CEP85L: variants seen among roughly 807,000 people sequenced by gnomAD.
CEP85L encodes the protein centrosomal protein 85L.
Under a neutral mutation model 100.3 loss-of-function variants are expected in CEP85L, and 60 were observed. That is an observed-to-expected ratio of 0.60 (90% CI 0.49 to 0.74). The LOEUF is 0.74. Ranked by LOEUF, CEP85L falls within the 30% of genes least tolerant of loss-of-function variation. CEP85L has a pLI of 0.00. For missense variants in CEP85L, 973 were observed against 936.2 expected (o/e 1.04, Z -0.51); for synonymous variants, 319 against 322.7 (o/e 0.99, Z 0.12).
intron 1 of CEP85L, among the ~76,000 whole-genome samples, chr6:118,678,208 T>C (rs1405832016): frequency 2.0e-5 from 3 of 152,212 alleles, no homozygotes; most frequent in Non-Finnish European, 4.4e-5. Context: ...CCAATAAAGG[T>C]TGCTCAGCCC....
chr6:118,701,140 G>A (rs1777391191), intron 1 of CEP85L, among the ~76,000 whole-genome samples: 1 of 152,170 alleles, frequency 6.6e-6, no homozygotes, highest in African/African-American at 2.4e-5. Flanking sequence ...GGCATTCATT[G>A]GACAGCTTTC....
chr6:118,496,256 C>A (rs960455056), intron 5 of CEP85L, among the ~76,000 whole-genome samples: 4 of 152,206 alleles, frequency 2.6e-5, no homozygotes, highest in Non-Finnish European at 5.9e-5. Flanking sequence ...ATGCCCTTAA[C>A]CCACATCTGA....
intron 1 of CEP85L, among the ~76,000 whole-genome samples, chr6:118,676,399 CT>C (rs1776484239): frequency 6.6e-6 from 1 of 152,126 alleles, no homozygotes; most frequent in Non-Finnish European, 1.5e-5. Flanking sequence ...ATTAGTTTAA[CT>C]TTTTTTAGAT....
At chr6:118,705,296 T>C (rs187473028) in intron 1 of CEP85L, among the ~76,000 whole-genome samples, 2 of 152,404 alleles carry the variant, frequency 1.3e-5, no homozygotes, top group African/African-American at 2.4e-5. Flanking sequence ...TTTTGGCTTC[T>C]TGTTTTATTG....
intron 1 of CEP85L, among the ~76,000 whole-genome samples, chr6:118,649,997 G>C (rs1254992305): frequency 2.0e-5 from 3 of 152,088 alleles, no homozygotes; most frequent in Admixed American, 1.3e-4. Flanking sequence ...CTAGTGACTC[G>C]GTCAGTGCCT....
At chr6:118,541,423 AG>A (rs1249696608) in intron 3 of CEP85L, among the ~76,000 whole-genome samples, 1 of 152,234 alleles carries the variant, frequency 6.6e-6, no homozygotes, top group African/African-American at 2.4e-5. Context: ...CTTACATATC[AG>A]GAAGTTGGGT....
intron 1 of CEP85L, among the ~76,000 whole-genome samples, chr6:118,679,824 T>G (rs1776594070): frequency 6.6e-6 from 1 of 152,196 alleles, no homozygotes; most frequent in Non-Finnish European, 1.5e-5. Context: ...CACATTTTTT[T>G]TTAACTACAA....
At chr6:118,560,374 A>C (rs951182196) in intron 3 of CEP85L, 1 of 167,008 alleles carries the variant, frequency 6.0e-6, no homozygotes, top group Non-Finnish European at 1.5e-5. Context: ...TTAGAAAATC[A>C]TAAGAAAGAG....
At chr6:118,485,047 T>C (rs1774076435) in intron 6 of CEP85L, among the ~76,000 whole-genome samples, 1 of 152,246 alleles carries the variant, frequency 6.6e-6, no homozygotes, top group African/African-American at 2.4e-5. Flanking sequence ...ACACACATGA[T>C]AATGATTCTA....
At chr6:118,573,680 T>G (rs409571) in intron 2 of CEP85L, among the ~76,000 whole-genome samples, 1 of 151,646 alleles carries the variant, frequency 6.6e-6, no homozygotes, top group South Asian at 2.1e-4. Context: ...CTGATTACCA[T>G]TATAGATAGA....
At chr6:118,665,794 C>G in intron 1 of CEP85L, among the ~76,000 whole-genome samples, 1 of 152,180 alleles carries the variant, frequency 6.6e-6, no homozygotes, top group Middle Eastern at 3.2e-3. Context: ...TGATTGCCAT[C>G]TCACACACTG....
At chr6:118,661,488 A>C (rs538697353) in intron 1 of CEP85L, among the ~76,000 whole-genome samples, 32 of 152,148 alleles carry the variant, frequency 2.1e-4, no homozygotes, top group Non-Finnish European at 3.8e-4. Flanking sequence ...TAAATAATAA[A>C]ATTTTAATTG....
intron 2 of CEP85L, among the ~76,000 whole-genome samples, chr6:118,596,131 GA>G (rs550740438): frequency 5.7e-4 from 87 of 151,984 alleles, no homozygotes; most frequent in South Asian, 2.1e-3. Context: ...TTATAAATGA[GA>G]AAAAAATGAA....
intron 10 of CEP85L, among the ~76,000 whole-genome samples, chr6:118,471,644 T>C (rs1365354030): frequency 6.6e-6 from 1 of 152,068 alleles, no homozygotes; most frequent in Non-Finnish European, 1.5e-5. Context: ...TAAATTTCAT[T>C]TGTCTGCTAA....
intron 5 of CEP85L, chr6:118,502,934 G>A (rs1241186782): frequency 4.9e-6 from 2 of 411,970 alleles, no homozygotes; most frequent in Non-Finnish European, 9.2e-6. Flanking sequence ...TGGGAGTTGA[G>A]GCCACCTGGT....
At chr6:118,484,160 A>C (rs571339536) in intron 6 of CEP85L, among the ~76,000 whole-genome samples, 28 of 152,184 alleles carry the variant, frequency 1.8e-4, no homozygotes, top group African/African-American at 5.1e-4. Context: ...AAAAATACCC[A>C]AAAAAATTAG....
At chr6:118,504,617 T>G (rs937659987) in intron 5 of CEP85L, among the ~76,000 whole-genome samples, 1 of 152,116 alleles carries the variant, frequency 6.6e-6, no homozygotes, top group Non-Finnish European at 1.5e-5. Flanking sequence ...ATGGGTTAAG[T>G]GTAAGTAAAA....
chr6:118,531,185 G>A (rs1582989968), intron 3 of CEP85L, among the ~76,000 whole-genome samples: 1 of 151,994 alleles, frequency 6.6e-6, no homozygotes, highest in African/African-American at 2.4e-5. Context: ...AAAATAGAGA[G>A]CTCAGAAATA....
chr6:118,684,161 A>G (rs1403964761), intron 1 of CEP85L, among the ~76,000 whole-genome samples: 2 of 152,216 alleles, frequency 1.3e-5, no homozygotes, highest in Non-Finnish European at 2.9e-5. Flanking sequence ...AAATCAAAAC[A>G]TTAAACATAA....
Sources: allele counts gnomAD v4.1 joint callset (sites outside exome capture counted in the v4.1 genomes callset), GRCh38; gene constraint gnomAD v4.1.1; transcripts MANE v1.5; gene names NCBI Gene and HGNC (gene_info 2026-07-23, HGNC 2026-07-21).